ERC1: variants seen among roughly 807,000 people sequenced by gnomAD.
ERC1 encodes the protein ELKS/RAB6-interacting/CAST family member 1.
ERC1 carries 56 observed loss-of-function variants against 132.0 expected under a neutral mutation model. That is an observed-to-expected ratio of 0.42 (90% confidence interval 0.34 to 0.53). The LOEUF (loss-of-function observed/expected upper bound fraction) is 0.53. Among genes scored for constraint, ERC1 ranks in the 20% least tolerant of loss-of-function variants. The pLI, the probability that ERC1 is intolerant of heterozygous loss-of-function variation, is 0.03. For synonymous variants in ERC1, 478 were observed against 476.1 expected, an observed-to-expected ratio of 1.00 and a Z score of -0.05; for missense variants, 1,202 against 1,349.9, an observed-to-expected ratio of 0.89 and a Z score of 1.72.
At chr12:1,396,198 C>G (rs545415666) in intron 16 of ERC1, among the ~76,000 whole-genome samples, 1 of 152,152 alleles carries the variant, frequency 6.6e-6, no homozygotes, top group Non-Finnish European at 1.5e-5. Context: ...TGTGGTAACA[C>G]TGGGTTTTAA....
chr12:1,018,435 G>A (rs573257906), intron 1 of ERC1, among the ~76,000 whole-genome samples: 19 of 152,198 alleles, frequency 1.2e-4, no homozygotes, highest in African/African-American at 3.9e-4. Flanking sequence ...GGCTGGTCTC[G>A]AACTCCTGAC....
rs1322042293 is a variant in ERC1, at chr12:1,190,039, G to C, written c.2338G>C (p.Ala780Pro). ...NEKNDKDKKIAELERQVKDQN... is the reference protein window; with the variant it reads ...NEKNDKDKKIPELERQVKDQN... ...GAAGAATGACAAAGATAAGAAGATA[G>C]CTGAGTTGGAAAGGTAAGAAAGTGA... Residue 780 changes from alanine (A) to proline (P), a missense_variant, in exon 12 of 19, where the codon GCT (alanine) becomes CCT (proline). Ala to Pro is a conservative substitution (Grantham distance 27, BLOSUM62 -1). Coordinates refer to ENST00000360905, the MANE Select transcript of ERC1 (RefSeq NM_178040.4). 6.2e-7 allele frequency: 1 copy of C among 1,613,336 alleles called. No homozygotes were observed. The highest frequency in any genetic ancestry group is 1.7e-5 in the Admixed American group (1 of 59,936).
intron 18 of ERC1, among the ~76,000 whole-genome samples, chr12:1,463,672 G>A (rs894980836): frequency 7.3e-6 from 1 of 137,504 alleles, no homozygotes; most frequent in African/African-American, 2.9e-5. Flanking sequence ...TGGAGAACGG[G>A]AAGAGAGGGG....
chr12:1,283,954 G>A (rs1036143994), intron 14 of ERC1, among the ~76,000 whole-genome samples: 4 of 152,070 alleles, frequency 2.6e-5, no homozygotes, highest in Non-Finnish European at 5.9e-5. Flanking sequence ...CACAATAAAT[G>A]ATTTAACTAT....
At chr12:1,152,073 G>A (rs1297384458) in intron 8 of ERC1, among the ~76,000 whole-genome samples, 1 of 152,066 alleles carries the variant, frequency 6.6e-6, no homozygotes, top group Non-Finnish European at 1.5e-5. Context: ...AGTGGCAGGT[G>A]CCTGTAATCC....
chr12:1,074,619 T>C (rs544105733), intron 2 of ERC1, among the ~76,000 whole-genome samples: 1 of 152,312 alleles, frequency 6.6e-6, no homozygotes, highest in South Asian at 2.1e-4. Flanking sequence ...TTCTTTAACT[T>C]CTATTCTGGG....
At chr12:1,121,711 GTCTCTATCTCTATCTCTA>G (rs1256113451) in intron 7 of ERC1, among the ~76,000 whole-genome samples, 70 of 40,514 alleles carry the variant, frequency 1.7e-3, no homozygotes, top group Non-Finnish European at 2.1e-3. Flanking sequence ...CTCTATCTGT[GTCTCTATCTCTATCTCTA>G]TCTCTATCTC....
intron 18 of ERC1, among the ~76,000 whole-genome samples, chr12:1,445,656 A>G (rs2093285468): frequency 6.6e-6 from 1 of 152,220 alleles, no homozygotes; most frequent in Non-Finnish European, 1.5e-5. Flanking sequence ...TTGGCAATGA[A>G]TAGTCTTGAA....
intron 15 of ERC1, among the ~76,000 whole-genome samples, chr12:1,357,089 T>C (rs946237236): frequency 1.3e-5 from 2 of 152,322 alleles, no homozygotes; most frequent in East Asian, 3.9e-4. Context: ...CCTATACAGC[T>C]ATAGGAGTAT....
intron 13 of ERC1, among the ~76,000 whole-genome samples, chr12:1,247,673 G>T (rs1158653397): frequency 6.6e-6 from 1 of 152,130 alleles, no homozygotes; most frequent in African/African-American, 2.4e-5. Context: ...TCATATTGTT[G>T]ACTTCGTAAA....
intron 17 of ERC1, among the ~76,000 whole-genome samples, chr12:1,427,438 C>G (rs2092674934): frequency 6.6e-6 from 1 of 152,206 alleles, no homozygotes; most frequent in African/African-American, 2.4e-5. Context: ...TATCACAGAT[C>G]AGCATTACTG....
intron 18 of ERC1, among the ~76,000 whole-genome samples, chr12:1,473,275 C>T (rs1200401343): frequency 6.6e-6 from 1 of 152,184 alleles, no homozygotes; most frequent in Non-Finnish European, 1.5e-5. Flanking sequence ...GATCCACCCA[C>T]CTTGGCCTCC....
At chr12:1,265,566 T>G (rs1050598269) in intron 14 of ERC1, among the ~76,000 whole-genome samples, 4 of 152,200 alleles carry the variant, frequency 2.6e-5, no homozygotes, top group African/African-American at 9.7e-5. Flanking sequence ...CCAGTTTTAA[T>G]ACATTGTTAT....
intron 2 of ERC1, among the ~76,000 whole-genome samples, chr12:1,065,063 C>T (rs138771310): frequency 5.3e-5 from 8 of 151,988 alleles, no homozygotes; most frequent in East Asian, 1.9e-4. Flanking sequence ...TGCAGTGGCA[C>T]GATCTTGGCT....
At chr12:1,190,640 G>C (rs1028936804) in intron 12 of ERC1, among the ~76,000 whole-genome samples, 2 of 152,152 alleles carry the variant, frequency 1.3e-5, no homozygotes, top group Non-Finnish European at 2.9e-5. Context: ...TGTTTGAACA[G>C]ATCTAGGCAG....
chr12:1,304,990 G>A (rs550454352), intron 15 of ERC1, among the ~76,000 whole-genome samples: 2 of 151,422 alleles, frequency 1.3e-5, no homozygotes, highest in African/African-American at 4.9e-5. Context: ...GGGTTTCACC[G>A]TGTTGGCCAG....
At chr12:1,296,669 G>T (rs2079976141) in intron 15 of ERC1, among the ~76,000 whole-genome samples, 1 of 151,912 alleles carries the variant, frequency 6.6e-6, no homozygotes, top group Non-Finnish European at 1.5e-5. Flanking sequence ...CAAAGTGCTG[G>T]GATTACAGGC....
intron 16 of ERC1, among the ~76,000 whole-genome samples, chr12:1,375,857 C>T (rs950154327): frequency 2.6e-5 from 4 of 151,846 alleles, no homozygotes; most frequent in Non-Finnish European, 5.9e-5. Context: ...CTGCCTCAGC[C>T]TCCCGAGTAG....
intron 14 of ERC1, among the ~76,000 whole-genome samples, chr12:1,263,585 T>C (rs1179292913): frequency 6.6e-6 from 1 of 152,246 alleles, no homozygotes; most frequent in Non-Finnish European, 1.5e-5. Context: ...TGCTAATGTA[T>C]TGGACGAGAT....
Sources: allele counts gnomAD v4.1 joint callset (sites outside exome capture counted in the v4.1 genomes callset), GRCh38; gene constraint gnomAD v4.1.1; transcripts MANE v1.5; gene names NCBI Gene and HGNC (gene_info 2026-07-23, HGNC 2026-07-21).